CTCF: variants seen among roughly 807,000 people sequenced by gnomAD.
CTCF encodes the protein CCCTC-binding factor, also known as transcriptional repressor CTCF.
Under a neutral mutation model 72.3 loss-of-function variants are expected in CTCF, and 7 were observed. The ratio of observed to expected loss-of-function variants is 0.10; its 90% confidence interval spans 0.06 to 0.18. The LOEUF (loss-of-function observed/expected upper bound fraction) is 0.18. Among genes scored for constraint, CTCF ranks in the 10% least tolerant of loss-of-function variants. CTCF has a pLI of 1.00. For synonymous variants in CTCF, 374 were observed against 315.8 expected (o/e 1.18, Z -1.95); for missense variants, 516 against 949.1 (o/e 0.54, Z 6.00).
At chr16:67,570,702 A>T (rs943311505) in intron 1 of CTCF, 1 of 150,152 alleles carries the variant, frequency 6.7e-6, no homozygotes, top group African/African-American at 2.5e-5. Flanking sequence ...TGGCCTCCCA[A>T]AGTGCTGGGA....
At chr16:67,577,050 T>C (rs898640853) in intron 2 of CTCF, among the ~76,000 whole-genome samples, 3 of 152,170 alleles carry the variant, frequency 2.0e-5, no homozygotes, top group Non-Finnish European at 4.4e-5. Flanking sequence ...TTTCTCCTGT[T>C]GCCTGTATTG....
Position 67,611,052 on chromosome 16 carries a change from A to G in CTCF, c.220A>G (p.Lys74Glu). Residue 74 changes from lysine to glutamate, a missense_variant, in exon 3 of 12, where the codon AAG becomes GAG. Around this residue, in one of 7 missense-constraint regions of CTCF, gnomAD observed 148 missense variants for 194.9 expected, o/e 0.76. Coordinates refer to ENST00000264010, the MANE Select transcript of CTCF (RefSeq NM_006565.4). Reference protein sequence around the residue: ...EQLDPTLLQMKTEVMEGTVAP... With the variant: ...EQLDPTLLQMETEVMEGTVAP... ...GCTGGACCCCACCCTTCTTCAGATG[A>G]AGACTGAAGTAATGGAGGGCACAGT... The G allele has an allele frequency of 6.2e-7, 1 of 1,614,098 alleles. No individual in the cohort carries two copies. Among genetic ancestry groups the G allele is most frequent in the Non-Finnish European group, 8.5e-7 (1 of 1,179,968 alleles).
intron 2 of CTCF, among the ~76,000 whole-genome samples, chr16:67,574,801 T>C (rs955003134): frequency 9.9e-5 from 15 of 151,094 alleles, no homozygotes; most frequent in African/African-American, 3.4e-4. Context: ...TGAGACTACA[T>C]GCGCCCACCA....
intron 2 of CTCF, among the ~76,000 whole-genome samples, chr16:67,588,680 A>C (rs2051699518): frequency 6.6e-6 from 1 of 151,688 alleles, no homozygotes; most frequent in African/African-American, 2.4e-5. Context: ...CTCTGAAACC[A>C]CATCAAAATA....
At chr16:67,583,785 T>C (rs1173582551) in intron 2 of CTCF, among the ~76,000 whole-genome samples, 1 of 152,158 alleles carries the variant, frequency 6.6e-6, no homozygotes, top group Non-Finnish European at 1.5e-5. Context: ...GGGCAGCTTT[T>C]CTAGTTTAAA....
chr16:67,584,111 C>G (rs1222048519), intron 2 of CTCF, among the ~76,000 whole-genome samples: 1 of 151,882 alleles, frequency 6.6e-6, no homozygotes, highest in African/African-American at 2.4e-5. Flanking sequence ...GTGGCTCATG[C>G]CTGTAATCCC....
chr16:67,603,373 C>A (rs1222087226), intron 2 of CTCF, among the ~76,000 whole-genome samples: 1 of 151,678 alleles, frequency 6.6e-6, no homozygotes, highest in Non-Finnish European at 1.5e-5. Context: ...ACTAAAAATA[C>A]AAAAACAAAA....
intron 5 of CTCF, among the ~76,000 whole-genome samples, chr16:67,617,206 TAAA>T (rs2052143217): frequency 6.6e-6 from 1 of 150,760 alleles, no homozygotes; most frequent in African/African-American, 2.4e-5. Flanking sequence ...TACTAAAAAA[TAAA>T]AAATTTAGGC....
In CTCF at chr16:67,621,577, G is replaced by A. The variant is rs2142849782; in HGVS notation, c.1343G>A (p.Arg448Gln). 3 of 1,602,854 alleles carry A rather than the reference G, an allele frequency of 1.9e-6. No individual in the cohort carries two copies. Among genetic ancestry groups the A allele is most frequent in the Non-Finnish European group, 2.6e-6 (3 of 1,171,738 alleles). ...CCCCACTGTGACACAGTCATAGCCC[G>A]AAAAAGTGATTTGGGTAAGTAGATT... ...HCPHCDTVIA[R>Q]KSDLGVHLRK... The change falls in exon 7 of 12, where the codon CGA becomes CAA. Residue 448 changes from arginine to glutamine, a missense_variant. Physicochemically the swap from Arg to Gln is conservative, Grantham distance 43 (BLOSUM62 1). Coordinates refer to ENST00000264010, the MANE Select transcript of CTCF (RefSeq NM_006565.4).
chr16:67,570,539 C>T (rs1016543122), intron 1 of CTCF, among the ~76,000 whole-genome samples: 1 of 151,438 alleles, frequency 6.6e-6, no homozygotes, highest in Non-Finnish European at 1.5e-5. Flanking sequence ...TGCTCTGCCT[C>T]CCAGGTTTGC....
At chr16:67,629,339 T>C in intron 9 of CTCF, 59 bp from the exon 10 acceptor site, 1 of 1,508,434 alleles carries the variant, frequency 6.6e-7, no homozygotes, top group South Asian at 1.2e-5. Context: ...AGTAAATAAC[T>C]TCCAATCTGA....
At chr16:67,566,515 TAAAAAAAAAAAAA>T (rs377253111) in intron 1 of CTCF, among the ~76,000 whole-genome samples, 2 of 76,232 alleles carry the variant, frequency 2.6e-5, no homozygotes, top group African/African-American at 9.9e-5. Context: ...GTCTCAAAAT[TAAAAAAAAAAAAA>T]AAAAAAAAAA....
chr16:67,591,047 C>CT (rs2051736901), intron 2 of CTCF, among the ~76,000 whole-genome samples: 1 of 150,692 alleles, frequency 6.6e-6, no homozygotes, highest in Non-Finnish European at 1.5e-5. Flanking sequence ...AATCCCAGCA[C>CT]TTTGGGAGGC....
At chr16:67,601,992 T>G (rs1008538104) in intron 2 of CTCF, among the ~76,000 whole-genome samples, 1 of 151,630 alleles carries the variant, frequency 6.6e-6, no homozygotes, top group Non-Finnish European at 1.5e-5. Flanking sequence ...GCCTCCCAAA[T>G]AGCTGGGACT....
At chr16:67,629,300 A>G in intron 9 of CTCF, 98 bp from the exon 10 acceptor site, 2 of 1,214,478 alleles carry the variant, frequency 1.6e-6, no homozygotes, top group Non-Finnish European at 2.3e-6. Context: ...AGATACTAGA[A>G]TTTTTAGGCT....
intron 7 of CTCF, among the ~76,000 whole-genome samples, chr16:67,622,794 C>G (rs981630372): frequency 2.0e-4 from 30 of 151,050 alleles, no homozygotes; most frequent in African/African-American, 6.8e-4. Flanking sequence ...TAGGCGCATA[C>G]CACCATGCCC....
chr16:67,594,041 C>T (rs578116814), intron 2 of CTCF, among the ~76,000 whole-genome samples: 96 of 152,192 alleles, frequency 6.3e-4, no homozygotes, highest in African/African-American at 2.1e-3. Flanking sequence ...AATTAGCTTC[C>T]ATTTTTACAT....
chr16:67,624,115 GTATGTGTGTGTA>G (rs1456738082), intron 7 of CTCF, among the ~76,000 whole-genome samples: 3 of 128,478 alleles, frequency 2.3e-5, no homozygotes, highest in African/African-American at 9.3e-5. Context: ...GTGTGTGTGT[GTATGTGTGTGTA>G]TATATATGTG....
intron 5 of CTCF, 54 bp from the exon 6 acceptor site, chr16:67,620,643 C>G: frequency 6.9e-7 from 1 of 1,454,756 alleles, no homozygotes; most frequent in Non-Finnish European, 9.3e-7. Context: ...CTACTGTGCT[C>G]TTGTTACAGT....
Sources: allele counts gnomAD v4.1 joint callset (sites outside exome capture counted in the v4.1 genomes callset), GRCh38; gene constraint gnomAD v4.1.1; regional missense constraint gnomAD v4.1.1; transcripts MANE v1.5; gene names NCBI Gene and HGNC (gene_info 2026-07-23, HGNC 2026-07-21).